The following JMY variants were observed in gnomAD, a reference collection of about 807,000 sequenced individuals.
The protein encoded by JMY is junction mediating and regulatory protein, p53 cofactor.
JMY carries 46 observed loss-of-function variants against 103.3 expected under a neutral mutation model. That is an observed-to-expected ratio of 0.45 (90% CI 0.35 to 0.57). The LOEUF is 0.57. Among genes scored for constraint, JMY ranks in the 20% least tolerant of loss-of-function variants. The pLI, the probability that JMY is intolerant of heterozygous loss-of-function variation, is 0.00. For synonymous variants in JMY, 526 were observed against 489.3 expected (o/e 1.07, Z -0.99); for missense variants, 1,238 against 1,255.2 (o/e 0.99, Z 0.21).
In JMY at chr5:79,314,264, C is replaced by T. The variant is rs1362931957; in HGVS notation, c.2072C>T (p.Pro691Leu). 6.2e-7 allele frequency: 1 copy of T among 1,607,766 alleles called. No homozygotes were observed. The highest frequency in any genetic ancestry group is 8.5e-7 in the Non-Finnish European group (1 of 1,177,272). Residue 691 changes from proline (P) to leucine (L), a missense_variant, in exon 9 of 11, where the codon CCT (proline) becomes CTT (leucine). Transcript: ENST00000396137. ...TAACTTCTGGTATTTTAGAGGTATCCTGGGCAAGTCATACTTAAATCAACC... is the reference window on the plus strand; with the variant it reads ...TAACTTCTGGTATTTTAGAGGTATCTTGGGCAAGTCATACTTAAATCAACC... ...DRLRTFKQRY[P>L]GQVILKSTRL... is the part of the protein sequence containing the mutation.
intron 1 of JMY, among the ~76,000 whole-genome samples, chr5:79,272,725 G>T (rs955228245): frequency 6.6e-6 from 1 of 152,094 alleles, no homozygotes; most frequent in Admixed American, 6.6e-5. Context: ...CCTCAAACTC[G>T]TGAGTTCAAG....
rs1457810224 is a variant in JMY at position 79,237,376 on chromosome 5, C to T, written c.726C>T (p.His242=). 6.2e-6 allele frequency: 10 copies of T among 1,613,246 alleles called. No individual in the cohort carries two copies. Among genetic ancestry groups the T allele is most frequent in the Middle Eastern group, 1.6e-4 (1 of 6,062 alleles). Reference sequence around the variant, plus strand: ...CTTTCCAGGACCTGCGCGCCGTGCACCAGCAGCTGTGCTCGGTGAACTCGC... The same window carrying T: ...CTTTCCAGGACCTGCGCGCCGTGCATCAGCAGCTGTGCTCGGTGAACTCGC... ...LFSFQDLRAV[H]QQLCSVNSQL... The change falls in exon 1 of 11, where the codon CAC becomes CAT. Residue 242 remains histidine (H), a synonymous_variant. Transcript: ENST00000396137.
chr5:79,238,239 A>G (rs1024402572), intron 1 of JMY, among the ~76,000 whole-genome samples: 2 of 152,104 alleles, frequency 1.3e-5, no homozygotes, highest in African/African-American at 2.4e-5. Context: ...GTTTTTTAGA[A>G]GTGTTTTGTT....
At chr5:79,273,823 T>TA (rs2112080828) in intron 1 of JMY, among the ~76,000 whole-genome samples, 1 of 152,164 alleles carries the variant, frequency 6.6e-6, no homozygotes, top group East Asian at 1.9e-4. Flanking sequence ...GGCTTTCTTT[T>TA]TTGTTTTTTT....
In JMY at chr5:79,250,256, C is replaced by T. The variant is rs945893987; in HGVS notation, c.1032+12574C>T. Among the ~76,000 whole-genome samples the T allele has an allele frequency of 1.4e-4, 21 of 152,214 alleles. 1 individual carries two copies. The highest frequency in any genetic ancestry group is 4.6e-4 in the African/African-American group (19 of 41,454). ...AAGAAAAATCTAACGGGTTGATCTT[C>T]AGCCTCCTGTACCCTCCATAGGAAC... is the stretch of plus-strand genomic sequence containing the variant. On this transcript the variant is annotated intron_variant, in intron 1 of 10. Transcript: ENST00000396137.
rs1292658794 is a variant in JMY at position 79,324,479 on chromosome 5, G to A, written c.*2877G>A. 1 of 152,132 alleles carries A rather than the reference G, an allele frequency of 6.6e-6. No homozygotes were observed. The highest frequency in any genetic ancestry group is 1.5e-5 in the Non-Finnish European group (1 of 68,014). The allele number at this position is 152,132 out of a possible 1,614,324, so 9.4% of individuals were successfully genotyped here. A position where few individuals can be genotyped will look rare whatever the true frequency, so the allele number is the denominator to read the frequency against. ...CTCAACTGCAATGCATTTAAAATAG[G>A]TAAAACAAGTAAATGAGTTTGGGAC... On this transcript the variant is annotated 3_prime_UTR_variant, in exon 11 of 11. Transcript: ENST00000396137.
At position 79,236,611 on chromosome 5, in the gene JMY, G is replaced by C. The variant is rs2112034434; in HGVS notation, c.-40G>C. 1 of 1,343,858 alleles carries C rather than the reference G, an allele frequency of 7.4e-7. No individual in the cohort carries two copies. The highest frequency in any genetic ancestry group is 2.0e-5 in the South Asian group (1 of 49,120). 83.2% of individuals were successfully genotyped at this position (1,343,858 alleles called of 1,614,324 possible). On this transcript the variant is annotated 5_prime_UTR_variant, in exon 1 of 11. Transcript: ENST00000396137. The stretch of plus-strand genomic sequence containing the variant: ...CAGCGGGGAGTCCTCGGGCGGGCCG[G>C]GCCGGCGGCCCTTCCCCGCGGCGAG...
At chr5:79,259,800 C>A (rs922615431) in intron 1 of JMY, among the ~76,000 whole-genome samples, 1 of 152,230 alleles carries the variant, frequency 6.6e-6, no homozygotes, top group Non-Finnish European at 1.5e-5. Flanking sequence ...GAGCAGACAC[C>A]TCCGAGCCTG....
At chr5:79,255,128 C>CTT (rs71615518) in intron 1 of JMY, among the ~76,000 whole-genome samples, 2 of 139,822 alleles carry the variant, frequency 1.4e-5, no homozygotes, top group African/African-American at 5.6e-5. Context: ...TCTCTCTCTC[C>CTT]TTTTTTTTGA....
intron 4 of JMY, among the ~76,000 whole-genome samples, chr5:79,297,167 T>C (rs141379434): frequency 1.3e-5 from 2 of 152,318 alleles, no homozygotes; most frequent in African/African-American, 4.8e-5. Flanking sequence ...CTGGATCACA[T>C]TGGGAGGTTA....
intron 4 of JMY, among the ~76,000 whole-genome samples, chr5:79,295,944 T>TA (rs1210630636): frequency 2.1e-4 from 32 of 152,334 alleles, no homozygotes; most frequent in African/African-American, 7.2e-4. Context: ...TGGCAGCAGT[T>TA]AAAGTTTAAA....
chr5:79,304,417 G>A (rs1031553646), intron 6 of JMY, among the ~76,000 whole-genome samples: 21 of 152,186 alleles, frequency 1.4e-4, no homozygotes, highest in African/African-American at 4.6e-4. Context: ...TCTTAAGATT[G>A]CATACACAGT....
At chr5:79,293,049 AT>A (rs1439352808) in intron 4 of JMY, among the ~76,000 whole-genome samples, 1 of 152,188 alleles carries the variant, frequency 6.6e-6, no homozygotes, top group Non-Finnish European at 1.5e-5. Context: ...TATTAAGCCC[AT>A]TCCAGAACAG....
At chr5:79,290,492 T>A (rs974594994) in intron 3 of JMY, among the ~76,000 whole-genome samples, 8 of 151,984 alleles carry the variant, frequency 5.3e-5, no homozygotes, top group African/African-American at 1.9e-4. Flanking sequence ...AATAATTGTG[T>A]TTCTACTAAC....
At chr5:79,300,016 T>G in intron 4 of JMY, 137 bp from the exon 5 acceptor site, 1 of 522,168 alleles carries the variant, frequency 1.9e-6, no homozygotes, top group Non-Finnish European at 3.3e-6. Flanking sequence ...AAAGTCTAGA[T>G]TCCATGCCTA....
chr5:79,251,865 C>T (rs1313708504), intron 1 of JMY, among the ~76,000 whole-genome samples: 3 of 152,158 alleles, frequency 2.0e-5, no homozygotes, highest in Non-Finnish European at 4.4e-5. Context: ...ACCTCTGCCT[C>T]CTGGATTCAA....
At chr5:79,262,345 A>G (rs1031582040) in intron 1 of JMY, among the ~76,000 whole-genome samples, 2 of 152,190 alleles carry the variant, frequency 1.3e-5, no homozygotes, top group African/African-American at 4.8e-5. Context: ...AGTACCTTAC[A>G]CATTTTGCAG....
At chr5:79,238,891 C>T (rs1350007197) in intron 1 of JMY, among the ~76,000 whole-genome samples, 1 of 152,122 alleles carries the variant, frequency 6.6e-6, no homozygotes. Context: ...TCTCGATCTC[C>T]TGACCTCGTG....
intron 10 of JMY, 35 bp downstream of exon 10, chr5:79,316,345 A>G: frequency 1.3e-6 from 2 of 1,485,062 alleles, no homozygotes; most frequent in African/African-American, 1.4e-5. Flanking sequence ...AGCATTCAGT[A>G]ATACAGGTTT....
Sources: allele counts gnomAD v4.1 joint callset (sites outside exome capture counted in the v4.1 genomes callset), GRCh38; gene constraint gnomAD v4.1.1; transcripts MANE v1.5; gene names NCBI Gene and HGNC (gene_info 2026-07-23, HGNC 2026-07-21).